The following NPEPPS variants were observed in gnomAD, a reference collection of about 807,000 sequenced individuals.
NPEPPS encodes aminopeptidase puromycin sensitive, also known as puromycin-sensitive aminopeptidase.
A neutral mutation model predicts 115.5 loss-of-function variants in NPEPPS; 14 were observed. That is an observed-to-expected ratio of 0.12 (90% confidence interval 0.08 to 0.19). The LOEUF is 0.19. NPEPPS is among the 10% of genes least tolerant of loss of function. NPEPPS has a pLI of 1.00. For missense variants in NPEPPS, 523 were observed against 1,110.8 expected (o/e 0.47, Z 7.52); for synonymous variants, 285 against 390.6 (o/e 0.73, Z 3.19).
At chr17:47,583,792 C>T (rs11658963) in intron 5 of NPEPPS, among the ~76,000 whole-genome samples, 5 of 151,622 alleles carry the variant, frequency 3.3e-5, no homozygotes, top group Admixed American at 6.6e-5. Flanking sequence ...TATGGTGGCA[C>T]GTGTCTGTAA....
chr17:47,571,097 A>G (rs535976517), intron 3 of NPEPPS, among the ~76,000 whole-genome samples: 1 of 152,338 alleles, frequency 6.6e-6, no homozygotes, highest in East Asian at 1.9e-4. Context: ...TATATAGTGA[A>G]ATATACTTAG....
intron 3 of NPEPPS, among the ~76,000 whole-genome samples, chr17:47,576,313 G>A (rs1320605431): frequency 2.6e-5 from 4 of 152,184 alleles, no homozygotes; most frequent in Admixed American, 1.3e-4. Flanking sequence ...GTGACACATG[G>A]CGAAACCCTG....
At chr17:47,568,198 C>G (rs1022191804) in intron 2 of NPEPPS, among the ~76,000 whole-genome samples, 10 of 148,956 alleles carry the variant, frequency 6.7e-5, no homozygotes, top group Non-Finnish European at 1.5e-4. Context: ...GAGTCTCGCT[C>G]TGTCGCCCAG....
At position 47,622,728 on chromosome 17, in the gene NPEPPS, A is replaced by G. The variant is rs1270775736; in HGVS notation, c.*808A>G. ...TGATATACATTATTTTTTTCTTTTT[A>G]AAGATGACTTATAAGAACCCTGAAA... On this transcript the variant is annotated 3_prime_UTR_variant, in exon 23 of 23. Coordinates refer to ENST00000322157, the MANE Select transcript of NPEPPS (RefSeq NM_006310.4). 1 of 392,798 alleles carries G rather than the reference A, an allele frequency of 2.5e-6. No individual in the cohort carries two copies. Among genetic ancestry groups the G allele is most frequent in the Non-Finnish European group, 4.8e-6 (1 of 207,502 alleles). The allele number at this position is 392,798 out of a possible 1,614,324, so 24.3% of individuals were successfully genotyped here. A position where few individuals can be genotyped will look rare whatever the true frequency, so the allele number is the denominator to read the frequency against.
chr17:47,605,982 A>C, intron 17 of NPEPPS, among the ~76,000 whole-genome samples: 1 of 152,026 alleles, frequency 6.6e-6, no homozygotes, highest in South Asian at 2.1e-4. Context: ...GGTTCAAGTG[A>C]TTCTCCTGCC....
At chr17:47,570,234 G>A (rs112691744) in intron 3 of NPEPPS, among the ~76,000 whole-genome samples, 1 of 152,074 alleles carries the variant, frequency 6.6e-6, no homozygotes, top group Admixed American at 6.5e-5. Flanking sequence ...CCAGCATGGC[G>A]AACATGGCAA....
At position 47,618,406 on chromosome 17, in the gene NPEPPS, C is replaced by T. The variant is rs375822602; in HGVS notation, c.2352C>T (p.Gly784=). 142 of 1,613,698 alleles carry T rather than the reference C, an allele frequency of 8.8e-5. No homozygotes were observed. Among genetic ancestry groups the T allele is most frequent in the South Asian group, 3.3e-5 (3 of 91,080 alleles). Residue 784 remains glycine, a synonymous_variant, in exon 20 of 23, where the codon GGC becomes GGT. Coordinates refer to ENST00000322157, the MANE Select transcript of NPEPPS (RefSeq NM_006310.4). ...AAAACCGAATCGAAAGAGTCCTTGGCGCTACTCTTTTGCCTGACCTGATTC... is the reference window on the plus strand; with the variant it reads ...AAAACCGAATCGAAAGAGTCCTTGGTGCTACTCTTTTGCCTGACCTGATTC... ...EEKNRIERVL[G]ATLLPDLIQK...
chr17:47,605,788 A>G (rs555304126), intron 17 of NPEPPS, among the ~76,000 whole-genome samples: 1 of 152,354 alleles, frequency 6.6e-6, no homozygotes, highest in East Asian at 1.9e-4. Flanking sequence ...CATGGTGGAA[A>G]TAAAAGTCTT....
At chr17:47,538,037 G>GCA (rs1555602282) in intron 1 of NPEPPS, among the ~76,000 whole-genome samples, 1 of 150,520 alleles carries the variant, frequency 6.6e-6, no homozygotes, top group Non-Finnish European at 1.5e-5. Flanking sequence ...GGGATTACAG[G>GCA]CATGCACCAC....
Position 47,622,090 on chromosome 17 carries a change from A to G in NPEPPS, c.*170A>G, listed in dbSNP as rs1444304356. On this transcript the variant is annotated 3_prime_UTR_variant, in exon 23 of 23. Coordinates refer to ENST00000322157, the MANE Select transcript of NPEPPS (RefSeq NM_006310.4). ...TGCTCACACTCCAGAATTAAATTCT[A>G]TTGAAAAAGGAAAATCAGCAATTCA... 1 of 1,276,704 alleles carries G rather than the reference A, an allele frequency of 7.8e-7. No homozygotes were observed. The highest frequency in any genetic ancestry group is 9.9e-7 in the Non-Finnish European group (1 of 1,010,306). The allele number at this position is 1,276,704 out of a possible 1,614,324, so 79.1% of individuals were successfully genotyped here. A position where few individuals can be genotyped will look rare whatever the true frequency, so the allele number is the denominator to read the frequency against.
At chr17:47,598,559 A>G (rs79553110) in intron 13 of NPEPPS, among the ~76,000 whole-genome samples, 4,017 of 152,292 alleles carry the variant, frequency 0.026, 72 homozygotes, top group Non-Finnish European at 0.042. Context: ...CTGGAGTTTG[A>G]GACCAGCCTG....
intron 17 of NPEPPS, among the ~76,000 whole-genome samples, chr17:47,611,073 C>T (rs964952669): frequency 4.6e-5 from 7 of 150,888 alleles, no homozygotes; most frequent in Admixed American, 1.3e-4. Flanking sequence ...AGGATGGTCT[C>T]GATCTCCTGA....
At chr17:47,621,622 C>A in intron 22 of NPEPPS, 146 bp from the exon 23 acceptor site, 3 of 668,606 alleles carry the variant, frequency 4.5e-6, no homozygotes, top group South Asian at 2.7e-5. Context: ...TGCTTGTTTT[C>A]TTTTAGCCTG....
At chr17:47,530,811 C>G (rs1164146608), upstream of NPEPPS, among the ~76,000 whole-genome samples, 1 of 152,034 alleles carries the variant, frequency 6.6e-6, no homozygotes, top group Non-Finnish European at 1.5e-5. Flanking sequence ...ATGCATGCGA[C>G]CCTGGCTGAA....
intron 17 of NPEPPS, among the ~76,000 whole-genome samples, chr17:47,606,094 C>CT (rs1253331061): frequency 6.6e-6 from 1 of 152,114 alleles, no homozygotes; most frequent in Non-Finnish European, 1.5e-5. Context: ...TCAGGCTGGT[C>CT]TCGAACCCCT....
chr17:47,534,556 A>ATTT (rs1307921766), intron 1 of NPEPPS, among the ~76,000 whole-genome samples: 3 of 151,920 alleles, frequency 2.0e-5, no homozygotes, highest in African/African-American at 7.3e-5. Context: ...GATTTATTTT[A>ATTT]TTTTTTATTT....
chr17:47,547,918 C>T (rs1013271263), intron 2 of NPEPPS, among the ~76,000 whole-genome samples: 6 of 151,976 alleles, frequency 3.9e-5, no homozygotes, highest in Middle Eastern at 3.2e-3. Context: ...CCCAGCTACT[C>T]GGGAGGTTGA....
chr17:47,621,712 A>G, intron 22 of NPEPPS, 56 bp from the exon 23 acceptor site: 1 of 1,509,188 alleles, frequency 6.6e-7, no homozygotes, highest in Non-Finnish European at 9.0e-7. Context: ...CATAACCTGT[A>G]ATATTAACTT....
chr17:47,560,062 C>T (rs1364124171), intron 2 of NPEPPS, among the ~76,000 whole-genome samples: 1 of 152,164 alleles, frequency 6.6e-6, no homozygotes, highest in Non-Finnish European at 1.5e-5. Flanking sequence ...GAATTTCATC[C>T]TCTTCTTCAT....
Sources: allele counts gnomAD v4.1 joint callset (sites outside exome capture counted in the v4.1 genomes callset), GRCh38; gene constraint gnomAD v4.1.1; transcripts MANE v1.5; gene names NCBI Gene and HGNC (gene_info 2026-07-23, HGNC 2026-07-21).